The following ACTN1 variants were observed in gnomAD, a reference collection of about 807,000 sequenced individuals.
The protein encoded by ACTN1 is alpha-actinin-1.
In ACTN1, 30 loss-of-function variants were observed where a neutral mutation model predicts 119.6. The ratio of observed to expected loss-of-function variants is 0.25; its 90% CI spans 0.19 to 0.34. The LOEUF is 0.34. Among genes scored for constraint, ACTN1 ranks in the 10% least tolerant of loss-of-function variants. ACTN1 has a pLI of 1.00. For synonymous variants in ACTN1, 429 were observed against 472.6 expected (o/e 0.91, Z 1.20); for missense variants, 764 against 1,223.4 (o/e 0.62, Z 5.60).
intron 8 of ACTN1, among the ~76,000 whole-genome samples, chr14:68,894,346 A>G (rs948846580): frequency 3.3e-5 from 5 of 152,190 alleles, no homozygotes; most frequent in African/African-American, 1.2e-4. Context: ...TCAACCAAGT[A>G]TGGGCTCAAT....
Position 68,878,389 on chromosome 14 carries a change from G to A in ACTN1, c.2427+69C>T. The A allele has an allele frequency of 6.6e-7, 1 of 1,509,632 alleles. No homozygotes were observed. The highest frequency in any genetic ancestry group is 8.8e-7 in the Non-Finnish European group (1 of 1,131,558). The allele number at this position is 1,509,632 out of a possible 1,614,324, so 93.5% of individuals were successfully genotyped here. A position where few individuals can be genotyped will look rare whatever the true frequency, so the allele number is the denominator to read the frequency against. Reference sequence around the variant, plus strand: ...TGAGGGCCTCCAGCCTGCCACTCCTGGGACTTGGCTGCTCCCGCCAGCTGG... The same window carrying A: ...TGAGGGCCTCCAGCCTGCCACTCCTAGGACTTGGCTGCTCCCGCCAGCTGG... On this transcript the variant is annotated intron_variant, in intron 20 of 21. Coordinates refer to ENST00000394419, the MANE Select transcript of ACTN1 (RefSeq NM_001130004.2). The surrounding 1 kb of genome is among the most constrained non-coding windows in gnomAD (Gnocchi z 4.4).
At position 68,885,558 on chromosome 14, in the gene ACTN1, G is replaced by C. The variant is rs761473464; in HGVS notation, c.1252C>G (p.Arg418Gly). ...AWTDGKEAML[R>G]QKDYETATLS... is the part of the protein sequence containing the mutation. Reference sequence around the variant, plus strand: ...GTGGCGGTCTCATAGTCCTTCTGTCGCAGCATGGCCTCTTTGCCTGGGTTG... The same window carrying C: ...GTGGCGGTCTCATAGTCCTTCTGTCCCAGCATGGCCTCTTTGCCTGGGTTG... Residue 418 changes from arginine (R) to glycine (G), a missense_variant, in exon 12 of 22, where the codon CGA becomes GGA. Physicochemically the swap from Arg to Gly is moderately radical, Grantham distance 125. Coordinates refer to ENST00000394419, the MANE Select transcript of ACTN1 (RefSeq NM_001130004.2). The surrounding 1 kb of genome is among the most constrained non-coding windows in gnomAD (Gnocchi z 5.6). The C allele has an allele frequency of 1.9e-6, 3 of 1,613,352 alleles. No individual in the cohort carries two copies. The highest frequency in any genetic ancestry group is 1.1e-5 in the South Asian group (1 of 91,086).
At chr14:68,948,132 C>T (rs2036000778) in intron 1 of ACTN1, among the ~76,000 whole-genome samples, 1 of 152,214 alleles carries the variant, frequency 6.6e-6, no homozygotes, top group Non-Finnish European at 1.5e-5. Flanking sequence ...ACACAGAGGT[C>T]CTAGGAAGTT....
intron 11 of ACTN1, chr14:68,888,342 G>A (rs1312452918): frequency 1.0e-5 from 3 of 288,102 alleles, no homozygotes; most frequent in Non-Finnish European, 2.0e-5. Flanking sequence ...GCAAGGCAAC[G>A]AGGTCAATCT....
Position 68,874,808 on chromosome 14 carries a change from G to A in ACTN1, c.*51C>T. ...CAGGCAGGAGATGGGCGACGGCGGA[G>A]GTGCAAGGCAGGGCACGGCGCACAA... On this transcript the variant is annotated 3_prime_UTR_variant, in exon 22 of 22. Transcript: ENST00000394419. 2 of 1,460,808 alleles carry A rather than the reference G, an allele frequency of 1.4e-6. No homozygotes were observed. Among genetic ancestry groups the A allele is most frequent in the South Asian group, 3.0e-5 (2 of 66,644 alleles). The allele number at this position is 1,460,808 out of a possible 1,614,324, so 90.5% of individuals were successfully genotyped here. A position where few individuals can be genotyped will look rare whatever the true frequency, so the allele number is the denominator to read the frequency against.
chr14:68,880,819 G>A lies in ACTN1; in HGVS notation c.2124C>T (p.Tyr708=), dbSNP rs1318391695. 5.6e-6 allele frequency: 9 copies of A among 1,614,172 alleles called. No homozygotes were observed. The highest frequency in any genetic ancestry group is 2.7e-5 in the African/African-American group (2 of 75,056). ...ALIFDNKHTN[Y]TMEHIRVGWE... is the part of the protein sequence containing the mutation. ...GGCCAGCCCCACCCACCTCCATGGT[G>A]TAGTTGGTGTGCTTGTTGTCGAAGA... is the stretch of plus-strand genomic sequence containing the variant. The change falls in exon 17 of 22, where the codon TAC becomes TAT. Residue 708 remains tyrosine, a synonymous_variant. Transcript: ENST00000394419. This position sits in a 1 kb window ranked among gnomAD's most constrained non-coding sequence, Gnocchi z 4.6.
intron 1 of ACTN1, among the ~76,000 whole-genome samples, chr14:68,951,021 T>C (rs2036145215): frequency 6.6e-6 from 1 of 152,222 alleles, no homozygotes; most frequent in Non-Finnish European, 1.5e-5. Context: ...CCAGCCTGCC[T>C]GCAGAAGGCC....
At position 68,925,560 on chromosome 14, in the gene ACTN1, G is replaced by A; in HGVS notation, c.218C>T (p.Ser73Leu). Residue 73 changes from serine (S) to leucine (L), a missense_variant and splice_region_variant, in exon 2 of 22, where the codon TCA (serine) becomes TTA (leucine). Ser to Leu is a moderately radical substitution (Grantham distance 145). Around this residue, in one of 4 missense-constraint regions of ACTN1, gnomAD observed 54 missense variants for 153.2 expected, o/e 0.35. Transcript: ENST00000394419. The surrounding 1 kb of genome is among the most constrained non-coding windows in gnomAD (Gnocchi z 4.3). Reference protein sequence around the residue: ...LKLMLLLEVISGERLAKPERG... With the variant: ...LKLMLLLEVILGERLAKPERG... ...TCCTGGGCCAGGTTCCGCCTCACCT[G>A]AGATGACCTCCAGCAGCAGCATGAG... 6.2e-7 allele frequency: 1 copy of A among 1,612,040 alleles called. No individual in the cohort carries two copies. Among genetic ancestry groups the A allele is most frequent in the African/African-American group, 1.3e-5 (1 of 74,954 alleles).
chr14:68,902,642 G>A (rs919021288), intron 7 of ACTN1, 80 bp from the exon 8 acceptor site: 15 of 1,196,928 alleles, frequency 1.3e-5, no homozygotes, highest in Admixed American at 9.5e-5. Context: ...AAAGAAGCTC[G>A]CAGCACCACC....
rs376107435 is a variant in ACTN1, at chr14:68,938,916, G to A, written c.106-13244C>T. Among the ~76,000 whole-genome samples, 50 of 152,276 alleles carry A rather than the reference G, an allele frequency of 3.3e-4. 2 individuals are homozygous for A. The highest frequency in any genetic ancestry group is 3.4e-3 in the Middle Eastern group (1 of 294). ...CCAAGAGGAGGAGATGGGGAGGGGG[G>A]AGTGGAGCCTGCATTTCCTGGTTTA... On this transcript the variant is annotated intron_variant, in intron 1 of 21. Transcript: ENST00000394419.
At chr14:68,892,506 G>A (rs1422067969) in intron 9 of ACTN1, among the ~76,000 whole-genome samples, 1 of 152,088 alleles carries the variant, frequency 6.6e-6, no homozygotes, top group South Asian at 2.1e-4. Flanking sequence ...AGGGTACATC[G>A]ACTCACAGTC....
chr14:68,880,779 C>G lies in ACTN1; in HGVS notation c.2133+31G>C, dbSNP rs1455124572. The stretch of plus-strand genomic sequence containing the variant: ...GAAAGAGCAGAAGGGGCCACGGGCT[C>G]CCGAAGAGGAACAAGGCCAGCCCCA... On this transcript the variant is annotated intron_variant, in intron 17 of 21. Coordinates refer to ENST00000394419, the MANE Select transcript of ACTN1 (RefSeq NM_001130004.2). This position sits in a 1 kb window ranked among gnomAD's most constrained non-coding sequence, Gnocchi z 4.6. 6.2e-7 allele frequency: 1 copy of G among 1,608,110 alleles called. No homozygotes were observed. The highest frequency in any genetic ancestry group is 8.5e-7 in the Non-Finnish European group (1 of 1,175,692).
intron 20 of ACTN1, 80 bp from the exon 21 acceptor site, chr14:68,877,320 C>G (rs773267524): frequency 6.4e-7 from 1 of 1,551,910 alleles, no homozygotes; most frequent in Non-Finnish European, 8.8e-7. Context: ...ACCCTGGGGG[C>G]TCAGAGCAGC....
chr14:68,917,783 C>T (rs1026122488), intron 3 of ACTN1, among the ~76,000 whole-genome samples: 2 of 152,188 alleles, frequency 1.3e-5, no homozygotes, highest in Admixed American at 6.5e-5. Flanking sequence ...AGGAACTTTT[C>T]GTCGGGGCGT....
chr14:68,933,027 T>C (rs1425295470), intron 1 of ACTN1, among the ~76,000 whole-genome samples: 2 of 152,168 alleles, frequency 1.3e-5, no homozygotes, highest in African/African-American at 4.8e-5. Context: ...ATCATCACAA[T>C]GACACTGTGG....
At chr14:68,953,806 A>G (rs4902680) in intron 1 of ACTN1, among the ~76,000 whole-genome samples, 73,297 of 151,154 alleles carry the variant, frequency 0.48, 20,093 homozygotes, top group East Asian at 0.9. Context: ...AGAATCACCT[A>G]AACCCAGGAG....
intron 8 of ACTN1, among the ~76,000 whole-genome samples, chr14:68,901,252 T>G (rs941999178): frequency 9.3e-6 from 1 of 107,806 alleles, no homozygotes; most frequent in African/African-American, 3.8e-5. Flanking sequence ...TTGTTTTGTT[T>G]TTTTTTTTTT....
Position 68,906,617 on chromosome 14 carries a change from C to A in ACTN1, c.595-1881G>T, listed in dbSNP as rs954194460. On this transcript the variant is annotated intron_variant, in intron 6 of 21. Coordinates refer to ENST00000394419, the MANE Select transcript of ACTN1 (RefSeq NM_001130004.2). ...TCCAGGTATACACACACCCGCCCCA[C>A]GTGAGTTCCAGGGACCCCAGGGCCC... 7.2e-5 allele frequency among the ~76,000 whole-genome samples: 11 copies of A among 152,166 alleles called. 1 individual carries two copies. In the East Asian group the frequency reaches 1.2e-3, roughly 16 times the overall value.
chr14:68,885,897 G>C lies in ACTN1; in HGVS notation c.1235-322C>G. Reference sequence around the variant, plus strand: ...GGAAACACAGCCATCCACACCCTCTGGTATAACCAGGAAAAAAACAACCCA... The same window carrying C: ...GGAAACACAGCCATCCACACCCTCTCGTATAACCAGGAAAAAAACAACCCA... On this transcript the variant is annotated intron_variant, in intron 11 of 21. Coordinates refer to ENST00000394419, the MANE Select transcript of ACTN1 (RefSeq NM_001130004.2). This position sits in a 1 kb window ranked among gnomAD's most constrained non-coding sequence, Gnocchi z 5.6. 1 of 240,686 alleles carries C rather than the reference G, an allele frequency of 4.2e-6. No individual in the cohort carries two copies. The highest frequency in any genetic ancestry group is 8.3e-6 in the Non-Finnish European group (1 of 120,972). 14.9% of individuals were successfully genotyped at this position (240,686 alleles called of 1,614,324 possible). A position where few individuals can be genotyped will look rare whatever the true frequency, so the allele number is the denominator to read the frequency against.
Sources: gnomAD v4.1 joint callset for allele counts (sites outside exome capture counted in the v4.1 genomes callset) on GRCh38, gnomAD v4.1.1 for gene constraint, gnomAD v4.1.1 regional missense constraint, Gnocchi (gnomAD v3.1) non-coding constraint, MANE v1.5 for transcripts, NCBI Gene and HGNC (gene_info 2026-07-23, HGNC 2026-07-21) for gene names.